Variants in SLC7A14 observed in about 807,000 individuals in gnomAD.
SLC7A14 encodes gamma-aminobutyric acid transporter SLC7A14.
In SLC7A14, 37 loss-of-function variants were observed where a neutral mutation model predicts 60.2. The ratio of observed to expected loss-of-function variants is 0.61; its 90% CI spans 0.47 to 0.81. SLC7A14 has a LOEUF of 0.81. SLC7A14 is among the 30% of genes least tolerant of loss of function. SLC7A14 has a pLI of 0.00. For synonymous variants in SLC7A14, 399 were observed against 395.8 expected (o/e 1.01, Z -0.10); for missense variants, 886 against 982.7 (o/e 0.90, Z 1.32).
At chr3:170,515,329 A>AT (rs1553869899) in intron 2 of SLC7A14, among the ~76,000 whole-genome samples, 19,668 of 144,004 alleles carry the variant, frequency 0.14, 1,694 homozygotes, top group Middle Eastern at 0.22. Context: ...CCAAAAAAAA[A>AT]ATATATATAT....
intron 7 of SLC7A14, among the ~76,000 whole-genome samples, chr3:170,477,146 C>T (rs921262773): frequency 6.6e-6 from 1 of 152,158 alleles, no homozygotes; most frequent in Non-Finnish European, 1.5e-5. Context: ...TCAGAGGCAC[C>T]CTGGTGGGGT....
chr3:170,514,973 T>C (rs1423582710), intron 2 of SLC7A14, among the ~76,000 whole-genome samples: 1 of 152,132 alleles, frequency 6.6e-6, no homozygotes, highest in African/African-American at 2.4e-5. Flanking sequence ...TCTCAACAGG[T>C]TATCAGGACT....
At chr3:170,514,670 G>T (rs1163459368) in intron 2 of SLC7A14, among the ~76,000 whole-genome samples, 1 of 152,134 alleles carries the variant, frequency 6.6e-6, no homozygotes, top group East Asian at 1.9e-4. Context: ...CTTTGCACAG[G>T]GTTCATCTGG....
At chr3:170,561,794 GA>G (rs1374792300) in intron 1 of SLC7A14, among the ~76,000 whole-genome samples, 2 of 151,540 alleles carry the variant, frequency 1.3e-5, no homozygotes, top group African/African-American at 4.8e-5. Context: ...AAATTAGCAA[GA>G]AAAAAAACAA....
chr3:170,571,624 G>GTTCCTATCTTTATTAATGC (rs1336336108), intron 1 of SLC7A14, among the ~76,000 whole-genome samples: 2 of 152,100 alleles, frequency 1.3e-5, no homozygotes, highest in African/African-American at 2.4e-5. Flanking sequence ...CAAGAAAATG[G>GTTCCTATCTTTATTAATGC]TTCCTATCTT....
intron 1 of SLC7A14, among the ~76,000 whole-genome samples, chr3:170,564,441 C>T (rs150814381): frequency 5.8e-4 from 89 of 152,264 alleles, no homozygotes; most frequent in Middle Eastern, 3.4e-3. Context: ...AAACTGAAAC[C>T]CAAAAGATGT....
intron 2 of SLC7A14, among the ~76,000 whole-genome samples, chr3:170,524,191 A>G (rs35989334): frequency 0.35 from 52,997 of 152,074 alleles, 10,162 homozygotes; most frequent in African/African-American, 0.53. Flanking sequence ...TCTCTGAACA[A>G]TGGTAACAAC....
chr3:170,552,201 A>G (rs1410535908), intron 1 of SLC7A14, among the ~76,000 whole-genome samples: 1 of 152,204 alleles, frequency 6.6e-6, no homozygotes, highest in African/African-American at 2.4e-5. Context: ...GTTGGTGTCA[A>G]GACAATTGGT....
intron 7 of SLC7A14, 59 bp downstream of exon 7, chr3:170,480,230 G>A: frequency 6.7e-7 from 1 of 1,486,872 alleles, no homozygotes; most frequent in Non-Finnish European, 8.9e-7. Context: ...GTAATTTTGG[G>A]ATAAGCATGC....
chr3:170,473,970 G>A (rs1390637869), intron 7 of SLC7A14, among the ~76,000 whole-genome samples: 2 of 152,336 alleles, frequency 1.3e-5, no homozygotes, highest in East Asian at 1.9e-4. Flanking sequence ...GTCTGAGCCA[G>A]CAATTCTAAC....
chr3:170,480,789 T>C lies in SLC7A14; in HGVS notation c.1493A>G (p.Lys498Arg). The C allele has an allele frequency of 1.2e-6, 2 of 1,614,182 alleles. No homozygotes were observed. The highest frequency in any genetic ancestry group is 1.7e-6 in the Non-Finnish European group (2 of 1,180,030). The part of the protein sequence containing the change: ...SLGDNEMLIG[K>R]SDKSTYNVNH... ...GACGTTGTAGGTTGACTTGTCTGATTTCCCTATGAGCATCTCATTGTCTCC... is the reference window on the plus strand; with the variant it reads ...GACGTTGTAGGTTGACTTGTCTGATCTCCCTATGAGCATCTCATTGTCTCC... Residue 498 changes from lysine (K) to arginine (R), a missense_variant, in exon 7 of 8, where the codon AAA becomes AGA. By Grantham distance (26) the Lys-to-Arg change is conservative. Transcript: ENST00000231706.
At chr3:170,558,063 G>A (rs923745796) in intron 1 of SLC7A14, among the ~76,000 whole-genome samples, 2 of 152,114 alleles carry the variant, frequency 1.3e-5, no homozygotes, top group South Asian at 2.1e-4. Context: ...GTACTTCCAC[G>A]TCTTTTGGTT....
At chr3:170,486,126 C>A (rs1174711844) in intron 5 of SLC7A14, 96 bp downstream of exon 5, 13 of 1,478,794 alleles carry the variant, frequency 8.8e-6, no homozygotes, top group Non-Finnish European at 1.2e-5. Context: ...AGACAGACAC[C>A]AAGAAGACAT....
intron 2 of SLC7A14, among the ~76,000 whole-genome samples, chr3:170,523,882 G>A (rs1713413210): frequency 6.6e-6 from 1 of 152,184 alleles, no homozygotes; most frequent in Non-Finnish European, 1.5e-5. Context: ...AATCATAAGA[G>A]TGAGAGGCCT....
At chr3:170,509,770 C>G (rs940699279) in intron 2 of SLC7A14, among the ~76,000 whole-genome samples, 10 of 151,404 alleles carry the variant, frequency 6.6e-5, no homozygotes, top group Non-Finnish European at 1.3e-4. Context: ...CATGGAGAAA[C>G]CTTGTCTCTA....
chr3:170,509,627 T>C (rs1032647885), intron 2 of SLC7A14, among the ~76,000 whole-genome samples: 1 of 151,770 alleles, frequency 6.6e-6, no homozygotes, highest in Non-Finnish European at 1.5e-5. Context: ...CTGACCAACA[T>C]GGCAAAACCC....
intron 1 of SLC7A14, among the ~76,000 whole-genome samples, chr3:170,573,703 A>T (rs1474223771): frequency 1.3e-5 from 2 of 152,174 alleles, no homozygotes; most frequent in Non-Finnish European, 2.9e-5. Flanking sequence ...AGAGAACAAG[A>T]CCCTGTTTTT....
In SLC7A14 at chr3:170,466,096, CTTTAGAA is replaced by C. The variant is rs1313468366; in HGVS notation, c.*952_*958del. ...ATCAAGTGGTTGCCTATCTCAAAAA[CTTTAGAA>C]TTTATAATTTTAGAAATATGAAAGA... On this transcript the variant is annotated 3_prime_UTR_variant, in exon 8 of 8. Coordinates refer to ENST00000231706, the MANE Select transcript of SLC7A14 (RefSeq NM_020949.3). The C allele has an allele frequency of 6.6e-6, 1 of 152,164 alleles. No individual in the cohort carries two copies. The highest frequency in any genetic ancestry group is 1.5e-5 in the Non-Finnish European group (1 of 68,032). 9.4% of individuals were successfully genotyped at this position (152,164 alleles called of 1,614,324 possible). A position where few individuals can be genotyped will look rare whatever the true frequency, so the allele number is the denominator to read the frequency against.
chr3:170,585,952 G>T lies in SLC7A14; in HGVS notation c.-194C>A, dbSNP rs1027113759. On this transcript the variant is annotated 5_prime_UTR_variant, in exon 1 of 8. Transcript: ENST00000231706. This position sits in a 1 kb window ranked among gnomAD's most constrained non-coding sequence, Gnocchi z 5.1. Reference sequence around the variant, plus strand: ...GGCGACGAGCTGGCTGCCAAGGCTGGTGGCTGGCAGTCCGCACTTACTGCG... The same window carrying T: ...GGCGACGAGCTGGCTGCCAAGGCTGTTGGCTGGCAGTCCGCACTTACTGCG... The T allele has an allele frequency of 6.5e-6, 1 of 152,856 alleles. No individual in the cohort carries two copies. Among genetic ancestry groups the T allele is most frequent in the Non-Finnish European group, 1.5e-5 (1 of 68,542 alleles). 9.5% of individuals were successfully genotyped at this position (152,856 alleles called of 1,614,324 possible).
Sources: allele counts gnomAD v4.1 joint callset (sites outside exome capture counted in the v4.1 genomes callset), GRCh38; gene constraint gnomAD v4.1.1; non-coding constraint Gnocchi (gnomAD v3.1); transcripts MANE v1.5; gene names NCBI Gene and HGNC (gene_info 2026-07-23, HGNC 2026-07-21).